The following MACROD2 variants were observed in gnomAD, a reference collection of about 807,000 sequenced individuals.
The protein encoded by MACROD2 is ADP-ribose glycohydrolase MACROD2.
Under a neutral mutation model 70.4 loss-of-function variants are expected in MACROD2, and 36 were observed. The ratio of observed to expected loss-of-function variants is 0.51; its 90% confidence interval spans 0.39 to 0.68. MACROD2 has a LOEUF of 0.68. Among genes scored for constraint, MACROD2 ranks in the 30% least tolerant of loss-of-function variants. MACROD2 has a pLI of 0.00. For missense variants in MACROD2, 496 were observed against 538.4 expected, an observed-to-expected ratio of 0.92 and a Z score of 0.78; for synonymous variants, 172 against 178.8, an observed-to-expected ratio of 0.96 and a Z score of 0.30.
intron 8 of MACROD2, among the ~76,000 whole-genome samples, chr20:15,844,070 CA>C (rs2064203107): frequency 6.6e-6 from 1 of 151,616 alleles, no homozygotes; most frequent in Admixed American, 6.6e-5. Flanking sequence ...ATATGAGTAG[CA>C]AAAATGTACA....
At chr20:15,715,856 A>G (rs1049027872) in intron 8 of MACROD2, among the ~76,000 whole-genome samples, 1 of 152,088 alleles carries the variant, frequency 6.6e-6, no homozygotes, top group African/African-American at 2.4e-5. Flanking sequence ...GAGGTAGATC[A>G]TTTTATCACC....
At chr20:15,289,305 A>G (rs2077520780) in intron 6 of MACROD2, among the ~76,000 whole-genome samples, 1 of 152,210 alleles carries the variant, frequency 6.6e-6, no homozygotes, top group South Asian at 2.1e-4. Context: ...GTAGTGACAC[A>G]AGGATTTAGA....
chr20:14,089,391 A>G (rs1170662003), intron 3 of MACROD2, among the ~76,000 whole-genome samples: 2 of 152,186 alleles, frequency 1.3e-5, no homozygotes, highest in Non-Finnish European at 2.9e-5. Context: ...GGGGGAGTGA[A>G]AAACAGTACC....
intron 5 of MACROD2, among the ~76,000 whole-genome samples, chr20:15,021,165 TGTATACACATACAGGTGTGC>T (rs1164576175): frequency 7.9e-6 from 1 of 126,798 alleles, no homozygotes; most frequent in African/African-American, 3.2e-5. Flanking sequence ...CCTGTGTGTA[TGTATACACATACAGGTGTGC>T]GTATACACAC....
chr20:15,518,464 T>C (rs1395750137), intron 8 of MACROD2, among the ~76,000 whole-genome samples: 1 of 152,258 alleles, frequency 6.6e-6, no homozygotes, highest in Admixed American at 6.5e-5. Flanking sequence ...AATTGTGTAC[T>C]TTGAAGCAGA....
intron 6 of MACROD2, among the ~76,000 whole-genome samples, chr20:15,356,237 A>G (rs1480267438): frequency 6.6e-6 from 1 of 152,328 alleles, no homozygotes; most frequent in Non-Finnish European, 1.5e-5. Flanking sequence ...ATTTGTAAAA[A>G]TGTGAGAATA....
chr20:15,307,272 A>ACCC (rs2077707253), intron 6 of MACROD2, among the ~76,000 whole-genome samples: 1 of 152,088 alleles, frequency 6.6e-6, no homozygotes, highest in African/African-American at 2.4e-5. Flanking sequence ...GAAGCTATAG[A>ACCC]TTTGCTGTGG....
At chr20:14,248,846 A>G (rs776457666) in intron 3 of MACROD2, among the ~76,000 whole-genome samples, 12 of 152,036 alleles carry the variant, frequency 7.9e-5, no homozygotes, top group Non-Finnish European at 1.2e-4. Context: ...TCTTCATAAT[A>G]TATTCAATAA....
intron 8 of MACROD2, among the ~76,000 whole-genome samples, chr20:15,698,214 A>G (rs1449640502): frequency 5.9e-5 from 9 of 151,690 alleles, no homozygotes; most frequent in Non-Finnish European, 1.2e-4. Flanking sequence ...ATATGGTTCC[A>G]GGATTTGTTT....
chr20:14,879,198 A>G (rs548596937), intron 5 of MACROD2, among the ~76,000 whole-genome samples: 1 of 152,282 alleles, frequency 6.6e-6, no homozygotes, highest in South Asian at 2.1e-4. Flanking sequence ...TAAGTAGGTG[A>G]ATAGTTTTGT....
At chr20:14,315,262 A>C (rs1398353804) in intron 3 of MACROD2, among the ~76,000 whole-genome samples, 1 of 152,210 alleles carries the variant, frequency 6.6e-6, no homozygotes, top group African/African-American at 2.4e-5. Flanking sequence ...ACTGGGAAGT[A>C]AGGGAGATAA....
intron 5 of MACROD2, among the ~76,000 whole-genome samples, chr20:14,745,630 T>C (rs1666512261): frequency 6.6e-6 from 1 of 152,246 alleles, no homozygotes; most frequent in East Asian, 1.9e-4. Flanking sequence ...TGGGTTGTTA[T>C]GAGGCTTTAA....
intron 8 of MACROD2, among the ~76,000 whole-genome samples, chr20:15,842,712 G>GGATAGATAGACA (rs2064185669): frequency 7.1e-6 from 1 of 141,584 alleles, no homozygotes; most frequent in Non-Finnish European, 1.5e-5. Flanking sequence ...GTGGGTGGAT[G>GGATAGATAGACA]GATAGATAGA....
intron 5 of MACROD2, among the ~76,000 whole-genome samples, chr20:14,778,825 G>T (rs1206675509): frequency 1.3e-5 from 2 of 152,058 alleles, no homozygotes; most frequent in Non-Finnish European, 2.9e-5. Flanking sequence ...GTACTTGACT[G>T]ATAGAGTTGG....
At chr20:14,470,555 G>A (rs2084516740) in intron 3 of MACROD2, among the ~76,000 whole-genome samples, 1 of 152,152 alleles carries the variant, frequency 6.6e-6, no homozygotes, top group Non-Finnish European at 1.5e-5. Flanking sequence ...TCTGTCCCAG[G>A]AAGATGGGAG....
chr20:14,297,101 A>T lies in MACROD2; in HGVS notation c.272-196378A>T, dbSNP rs115999054. Among the ~76,000 whole-genome samples the T allele has an allele frequency of 4.4e-3, 661 of 151,944 alleles. 9 individuals are homozygous for T. Among genetic ancestry groups the T allele is most frequent in the African/African-American group, 0.015 (617 of 41,286 alleles). ...TTGCCGTGAACTGAGCACATATAAG[A>T]TGGCAAACTTAATCAATAAATGTGT... is the stretch of plus-strand genomic sequence containing the variant. On this transcript the variant is annotated intron_variant, in intron 3 of 17. Coordinates refer to ENST00000684519, the MANE Select transcript of MACROD2 (RefSeq NM_001351661.2).
At chr20:15,430,792 T>C (rs2046354952) in intron 6 of MACROD2, among the ~76,000 whole-genome samples, 1 of 151,996 alleles carries the variant, frequency 6.6e-6, no homozygotes, top group African/African-American at 2.4e-5. Flanking sequence ...TATGTAATAC[T>C]CTTTATTATA....
chr20:15,088,433 ATATATATATATATAT>A (rs2075767897), intron 5 of MACROD2, among the ~76,000 whole-genome samples: 1 of 34,608 alleles, frequency 2.9e-5, no homozygotes, highest in African/African-American at 7.6e-5. Flanking sequence ...ATATATATAT[ATATATATATATATAT>A]ATAATATTTT....
At chr20:15,388,056 T>C (rs1304245156) in intron 6 of MACROD2, among the ~76,000 whole-genome samples, 1 of 152,116 alleles carries the variant, frequency 6.6e-6, no homozygotes, top group Non-Finnish European at 1.5e-5. Context: ...GAGGTTTCGC[T>C]AAACTCCCCC....
Sources: allele counts gnomAD v4.1 joint callset (sites outside exome capture counted in the v4.1 genomes callset), GRCh38; gene constraint gnomAD v4.1.1; transcripts MANE v1.5; gene names NCBI Gene and HGNC (gene_info 2026-07-23, HGNC 2026-07-21).